The following TEX9 variants were observed in gnomAD, a reference collection of about 807,000 sequenced individuals.
TEX9 encodes the protein testis-expressed protein 9.
Under a neutral mutation model 59.6 loss-of-function variants are expected in TEX9, and 74 were observed. The ratio of observed to expected loss-of-function variants is 1.24; its 90% CI spans 1.03 to 1.51. The LOEUF is 1.51. Among genes scored for constraint, TEX9 ranks in the 40% most tolerant of loss-of-function variants. TEX9 has a pLI of 0.00. For missense variants in TEX9, 522 were observed against 447.8 expected (o/e 1.17, Z -1.49); for synonymous variants, 186 against 152.2 (o/e 1.22, Z -1.64).
chr15:56,317,795 A>G (rs1372004563), intron 1 of TEX9, among the ~76,000 whole-genome samples: 1 of 152,118 alleles, frequency 6.6e-6, no homozygotes, highest in East Asian at 1.9e-4. Context: ...ATGTCATTCA[A>G]TTTCCACATA....
chr15:56,348,087 G>T (rs1275926678), intron 1 of TEX9, among the ~76,000 whole-genome samples: 1 of 152,066 alleles, frequency 6.6e-6, no homozygotes, highest in Non-Finnish European at 1.5e-5. Context: ...TATCCTAATT[G>T]TGATATTGTG....
At chr15:56,437,399 T>C (rs1417873528) in intron 12 of TEX9, among the ~76,000 whole-genome samples, 2 of 152,170 alleles carry the variant, frequency 1.3e-5, no homozygotes, top group Non-Finnish European at 1.5e-5. Flanking sequence ...AAAAAGGCCC[T>C]TGACAAAATT....
chr15:56,364,314 C>T (rs990125663), upstream of TEX9, among the ~76,000 whole-genome samples: 42 of 151,936 alleles, frequency 2.8e-4, no homozygotes, highest in Non-Finnish European at 4.1e-4. Context: ...CCACCACACC[C>T]GGCTAATTTT....
At chr15:56,361,707 C>T (rs148700867), upstream of TEX9, among the ~76,000 whole-genome samples, 115 of 152,096 alleles carry the variant, frequency 7.6e-4, no homozygotes, top group African/African-American at 2.5e-3. Context: ...GGCCCACATC[C>T]GATATTACTG....
chr15:56,339,519 C>A (rs2046333920), intron 1 of TEX9, among the ~76,000 whole-genome samples: 1 of 148,674 alleles, frequency 6.7e-6, no homozygotes, highest in Non-Finnish European at 1.5e-5. Context: ...GTATTGAAAA[C>A]AACGCATATG....
At chr15:56,456,626 A>C in the TEX9 span, 1 of 1,070,356 alleles carries the variant, frequency 9.3e-7, no homozygotes, top group South Asian at 1.5e-5. Flanking sequence ...AAGGCCAACA[A>C]TTGATGATGT....
intron 3 of TEX9, among the ~76,000 whole-genome samples, chr15:56,375,856 T>G (rs1296719531): frequency 1.3e-5 from 2 of 150,658 alleles, no homozygotes; most frequent in Non-Finnish European, 3.0e-5. Flanking sequence ...ATTAAGAAAA[T>G]GTGGCACATA....
chr15:56,271,017 T>G (rs2044515910), intron 1 of TEX9, among the ~76,000 whole-genome samples: 1 of 152,242 alleles, frequency 6.6e-6, no homozygotes, highest in Admixed American at 6.5e-5. Context: ...GTTAGTCTGA[T>G]GGGCTTCCCT....
At chr15:56,370,636 G>C (rs1249697865) in intron 2 of TEX9, among the ~76,000 whole-genome samples, 1 of 152,196 alleles carries the variant, frequency 6.6e-6, no homozygotes, top group Non-Finnish European at 1.5e-5. Context: ...GCCATCTGCT[G>C]TCAGCTTTTT....
chr15:56,339,818 T>C (rs375121458), intron 1 of TEX9, among the ~76,000 whole-genome samples: 6 of 152,162 alleles, frequency 3.9e-5, no homozygotes, highest in Middle Eastern at 3.4e-3. Flanking sequence ...GAGAGCTCCC[T>C]CACCCCTTCT....
intron 1 of TEX9, among the ~76,000 whole-genome samples, chr15:56,272,576 G>T (rs1212155075): frequency 6.6e-6 from 1 of 152,150 alleles, no homozygotes; most frequent in Non-Finnish European, 1.5e-5. Context: ...GAACATTCAT[G>T]TACAGCTTTT....
chr15:56,262,945 G>T (rs1340425509), intron 1 of TEX9, among the ~76,000 whole-genome samples: 1 of 152,166 alleles, frequency 6.6e-6, no homozygotes, highest in African/African-American at 2.4e-5. Context: ...CTGTTTGCAT[G>T]ATAATATCTT....
intron 12 of TEX9, among the ~76,000 whole-genome samples, chr15:56,439,848 C>T (rs2050790018): frequency 6.7e-6 from 1 of 150,338 alleles, no homozygotes; most frequent in Non-Finnish European, 1.5e-5. Flanking sequence ...CGAAGAGTTT[C>T]TAGAGTTGAC....
chr15:56,404,899 G>T (rs1017881144), intron 9 of TEX9, among the ~76,000 whole-genome samples: 1 of 152,054 alleles, frequency 6.6e-6, no homozygotes, highest in East Asian at 1.9e-4. Context: ...ACCAAACACC[G>T]CATGTTCTCA....
At chr15:56,412,380 C>G (rs760916154) in exon 10 of TEX9, 3 of 1,612,956 alleles carry the variant, frequency 1.9e-6, no homozygotes, top group Non-Finnish European at 2.5e-6. Flanking sequence ...GAATAGAGCT[C>G]TAGAAGAAGC....
At chr15:56,355,345 G>T (rs1473472935) in intron 1 of TEX9, among the ~76,000 whole-genome samples, 2 of 152,090 alleles carry the variant, frequency 1.3e-5, no homozygotes, top group Non-Finnish European at 2.9e-5. Flanking sequence ...TATGGATCAA[G>T]ATTAGCTTTT....
chr15:56,434,705 G>A (rs1372007264), intron 12 of TEX9, among the ~76,000 whole-genome samples: 2 of 151,998 alleles, frequency 1.3e-5, no homozygotes, highest in Non-Finnish European at 2.9e-5. Context: ...TTGCACACCT[G>A]AGTTTATTCA....
intron 1 of TEX9, among the ~76,000 whole-genome samples, chr15:56,302,259 A>C (rs989861301): frequency 3.2e-4 from 49 of 151,460 alleles, no homozygotes. Context: ...AGGCCAAGGC[A>C]GGAGGATTGC....
intron 1 of TEX9, among the ~76,000 whole-genome samples, chr15:56,315,560 C>T (rs1285173070): frequency 6.6e-6 from 1 of 150,410 alleles, no homozygotes; most frequent in Non-Finnish European, 1.5e-5. Context: ...GTAACCCGAC[C>T]TTTCTCTGTG....
Sources: gnomAD v4.1 joint callset for allele counts (sites outside exome capture counted in the v4.1 genomes callset) on GRCh38, gnomAD v4.1.1 for gene constraint, MANE v1.5 for transcripts, NCBI Gene and HGNC (gene_info 2026-07-23, HGNC 2026-07-21) for gene names.